The following MS4A10 variants were observed in gnomAD, a reference collection of about 807,000 sequenced individuals.
The protein encoded by MS4A10 is membrane-spanning 4-domains subfamily A member 10.
In MS4A10, 27 loss-of-function variants were observed where a neutral mutation model predicts 27.7. The observed-to-expected ratio is 0.98, with a 90% CI of 0.72 to 1.35. The LOEUF (loss-of-function observed/expected upper bound fraction) is 1.35, where lower values mean the gene tolerates loss of function less well. Among genes scored for constraint, MS4A10 ranks in the 40% most tolerant of loss-of-function variants. MS4A10 has a pLI of 0.00. For synonymous variants in MS4A10, 139 were observed against 131.2 expected, an observed-to-expected ratio of 1.06 and a Z score of -0.41; for missense variants, 338 against 324.7, an observed-to-expected ratio of 1.04 and a Z score of -0.32.
In MS4A10 at chr11:60,795,410, C is replaced by T. The variant is rs116273397; in HGVS notation, c.493-145C>T. On this transcript the variant is annotated intron_variant, in intron 5 of 7. Transcript: ENST00000308287. ...CCCCGTCCCACAGAGACCCACCCTG[C>T]CTTCCCCACGCACACCTGGGAGCTG... 2.5e-3 allele frequency: 1,176 copies of T among 464,584 alleles called. 12 individuals are homozygous for T. Among genetic ancestry groups the T allele is most frequent in the African/African-American group, 0.021 (1,045 of 49,308 alleles). 28.8% of individuals were successfully genotyped at this position (464,584 alleles called of 1,614,324 possible). A position where few individuals can be genotyped will look rare whatever the true frequency, so the allele number is the denominator to read the frequency against.
In MS4A10 at chr11:60,798,496, A is replaced by C; in HGVS notation, c.704A>C (p.Gln235Pro). The change falls in exon 7 of 8, where the codon CAA becomes CCA. Residue 235 changes from glutamine to proline, a missense_variant. Transcript: ENST00000308287. ...CAGAGTGTGATTCAAGGCGACGCAC[A>C]ACACAAGCAACATCAGAGGTGAAGA... Reference protein sequence around the residue: ...SYQSVIQGDAQHKQHQRLREV... With the variant: ...SYQSVIQGDAPHKQHQRLREV... 6.2e-7 allele frequency: 1 copy of C among 1,613,962 alleles called. No individual in the cohort carries two copies. The highest frequency in any genetic ancestry group is 8.5e-7 in the Non-Finnish European group (1 of 1,179,878).
At chr11:60,797,296 G>A (rs547443599) in intron 6 of MS4A10, among the ~76,000 whole-genome samples, 40 of 152,230 alleles carry the variant, frequency 2.6e-4, no homozygotes, top group Non-Finnish European at 4.7e-4. Context: ...GCTGCAGGTG[G>A]CTGTATTCAT....
chr11:60,792,915 C>T (rs1242829718), intron 4 of MS4A10, among the ~76,000 whole-genome samples: 1 of 152,244 alleles, frequency 6.6e-6, no homozygotes, highest in Non-Finnish European at 1.5e-5. Context: ...TGTGGACTTA[C>T]CTGTCTCTAC....
chr11:60,798,733 A>T lies in MS4A10; in HGVS notation c.722+219A>T, dbSNP rs531743115. Reference sequence around the variant, plus strand: ...TCCCAGGGCCCCCCAGGAACATCTCAGCACCTGACTTGGTTGACCAGAACT... The same window carrying T: ...TCCCAGGGCCCCCCAGGAACATCTCTGCACCTGACTTGGTTGACCAGAACT... On this transcript the variant is annotated intron_variant, in intron 7 of 7. Transcript: ENST00000308287. 8.3e-4 allele frequency among the ~76,000 whole-genome samples: 127 copies of T among 152,286 alleles called. No individual in the cohort carries two copies. In the Middle Eastern group the frequency reaches 0.027, roughly 33 times the overall value.
rs202067448 is a variant in MS4A10 at position 60,790,538 on chromosome 11, G to C, written c.183+20G>C. The C allele has an allele frequency of 9.3e-6, 15 of 1,613,374 alleles. No individual in the cohort carries two copies. The East Asian group carries it at 2.5e-4, about 26-fold the overall frequency. On this transcript the variant is annotated intron_variant, in intron 2 of 7. Transcript: ENST00000308287. Reference sequence around the variant, plus strand: ...CTGGGGGTGAGCATCCACTTCCCAGGGTCCCAGCAGTGGGAGGCAGAGGAG... The same window carrying C: ...CTGGGGGTGAGCATCCACTTCCCAGCGTCCCAGCAGTGGGAGGCAGAGGAG...
Position 60,794,171 on chromosome 11 carries a change from A to T in MS4A10, c.492+68A>T, listed in dbSNP as rs527965424. On this transcript the variant is annotated intron_variant, in intron 5 of 7. Transcript: ENST00000308287. ...TGCTGCCTTGGATTTGGCCAACAGG[A>T]GGTTTCCAGCTCACAGAAAGCCCCT... is the stretch of plus-strand genomic sequence containing the variant. The T allele has an allele frequency of 5.3e-5, 84 of 1,593,526 alleles. 1 individual carries two copies. The South Asian group carries it at 8.9e-4, about 17-fold the overall frequency.
In MS4A10 at chr11:60,800,017, C is replaced by G. The variant is rs977699432; in HGVS notation, c.*108C>G. 2.6e-6 allele frequency: 4 copies of G among 1,565,322 alleles called. No homozygotes were observed. The highest frequency in any genetic ancestry group is 1.7e-5 in the Admixed American group (1 of 58,580). On this transcript the variant is annotated 3_prime_UTR_variant, in exon 8 of 8. Transcript: ENST00000308287. ...GATTTGCACATACAAAAGGCTAGAG[C>G]GATGGTCTATACAGCAAAGTCAGCC... is the stretch of plus-strand genomic sequence containing the variant.
intron 3 of MS4A10, 50 bp from the exon 4 acceptor site, chr11:60,792,215 T>C (rs777706893): frequency 6.6e-6 from 10 of 1,506,152 alleles, no homozygotes; most frequent in Non-Finnish European, 3.7e-6. Flanking sequence ...AATTTGTGGG[T>C]TTTGAGGAAC....
chr11:60,785,862 G>T (rs182938110), intron 1 of MS4A10, among the ~76,000 whole-genome samples: 1 of 152,084 alleles, frequency 6.6e-6, no homozygotes, highest in Non-Finnish European at 1.5e-5. Context: ...AGGGCCACGA[G>T]GGGGCAGGAC....
At chr11:60,787,687 C>T (rs902991831) in intron 1 of MS4A10, among the ~76,000 whole-genome samples, 4 of 152,076 alleles carry the variant, frequency 2.6e-5, no homozygotes, top group Non-Finnish European at 5.9e-5. Flanking sequence ...CCACAGAATA[C>T]CAATTGCATA....
In MS4A10 at chr11:60,799,847, G is replaced by T. The variant is rs762053702; in HGVS notation, c.742G>T (p.Val248Phe). Residue 248 changes from valine (V) to phenylalanine (F), a missense_variant, in exon 8 of 8, where the codon GTT (valine) becomes TTT (phenylalanine). Val to Phe is a conservative substitution (Grantham distance 50). Coordinates refer to ENST00000308287, the MANE Select transcript of MS4A10 (RefSeq NM_206893.4). ...QHQRLREVKQVAPDTWIVTDG... is the reference protein window; with the variant it reads ...QHQRLREVKQFAPDTWIVTDG... ...ATGCAGGCTCAGAGAAGTTAAGCAA[G>T]TTGCCCCGGACACATGGATAGTCAC... 21 of 1,558,546 alleles carry T rather than the reference G, an allele frequency of 1.3e-5. No homozygotes were observed. The highest frequency in any genetic ancestry group is 1.7e-4 in the Middle Eastern group (1 of 5,976).
intron 4 of MS4A10, among the ~76,000 whole-genome samples, chr11:60,792,873 C>A: frequency 6.6e-6 from 1 of 152,226 alleles, no homozygotes; most frequent in South Asian, 2.1e-4. Flanking sequence ...CTTCCCTGAC[C>A]TCCATGGCTG....
In MS4A10 at chr11:60,795,736, A is replaced by T. The variant is rs1201099742; in HGVS notation, c.603+71A>T. 5 of 967,728 alleles carry T rather than the reference A, an allele frequency of 5.2e-6. No homozygotes were observed. The East Asian group carries it at 1.2e-4, about 23-fold the overall frequency. The allele number at this position is 967,728 out of a possible 1,614,324, so 59.9% of individuals were successfully genotyped here. A position where few individuals can be genotyped will look rare whatever the true frequency, so the allele number is the denominator to read the frequency against. ...TGAGGCAGCAGAGAGCTCAGAAAGG[A>T]AAGATATGTGGGGGTTACAAGAGGA... is the stretch of plus-strand genomic sequence containing the variant. On this transcript the variant is annotated intron_variant, in intron 6 of 7. Transcript: ENST00000308287.
intron 7 of MS4A10, 53 bp from the exon 8 acceptor site, chr11:60,799,775 C>A: frequency 1.2e-6 from 1 of 822,570 alleles, no homozygotes; most frequent in Non-Finnish European, 2.1e-6. Flanking sequence ...TTTAATCCTC[C>A]CATCGATCTG....
intron 6 of MS4A10, among the ~76,000 whole-genome samples, chr11:60,797,460 A>G (rs1299728396): frequency 6.6e-6 from 1 of 152,156 alleles, no homozygotes; most frequent in African/African-American, 2.4e-5. Context: ...GGGGGCATCA[A>G]AAAGAATCTC....
At chr11:60,790,129 A>T (rs1176629238) in intron 1 of MS4A10, among the ~76,000 whole-genome samples, 185 bp from the exon 2 acceptor site, 1 of 152,098 alleles carries the variant, frequency 6.6e-6, no homozygotes, top group Non-Finnish European at 1.5e-5. Context: ...AGCAGCAATT[A>T]CTCCCATCTC....
chr11:60,788,187 A>C lies in MS4A10; in HGVS notation c.-22-2127A>C, dbSNP rs79389862. 5.9e-3 allele frequency among the ~76,000 whole-genome samples: 894 copies of C among 152,324 alleles called. 6 individuals carry two copies. Among genetic ancestry groups the C allele is most frequent in the African/African-American group, 0.021 (855 of 41,574 alleles). On this transcript the variant is annotated intron_variant, in intron 1 of 7. Coordinates refer to ENST00000308287, the MANE Select transcript of MS4A10 (RefSeq NM_206893.4). ...AGGCTAACCATGGTTTCTCAAACTT[A>C]TTTGACCATGGAACCCTTTTACTGC... is the stretch of plus-strand genomic sequence containing the variant.
At chr11:60,787,670 G>A (rs759437970) in intron 1 of MS4A10, among the ~76,000 whole-genome samples, 3 of 152,054 alleles carry the variant, frequency 2.0e-5, no homozygotes, top group Non-Finnish European at 4.4e-5. Flanking sequence ...TTGCCCAAAA[G>A]CAGACCCCAC....
intron 6 of MS4A10, 76 bp from the exon 7 acceptor site, chr11:60,798,320 T>C (rs1165957130): frequency 1.8e-6 from 2 of 1,128,342 alleles, no homozygotes; most frequent in Non-Finnish European, 2.6e-6. Context: ...AGAAGTGAAC[T>C]AGCAGAGAAG....
Sources: allele counts gnomAD v4.1 joint callset (sites outside exome capture counted in the v4.1 genomes callset), GRCh38; gene constraint gnomAD v4.1.1; transcripts MANE v1.5; gene names NCBI Gene and HGNC (gene_info 2026-07-23, HGNC 2026-07-21).